BLOC1S5: variants seen among roughly 807,000 people sequenced by gnomAD.
The protein encoded by BLOC1S5 is biogenesis of lysosome-related organelles complex 1 subunit 5.
Under a neutral mutation model 24.3 loss-of-function variants are expected in BLOC1S5, and 27 were observed. The observed-to-expected ratio is 1.11, with a 90% CI of 0.82 to 1.53. The LOEUF is 1.53. Ranked by LOEUF, BLOC1S5 falls within the 40% of genes most tolerant of loss-of-function variation. BLOC1S5 has a pLI of 0.00. For synonymous variants in BLOC1S5, 84 were observed against 74.5 expected (o/e 1.13, Z -0.66); for missense variants, 239 against 229.4 (o/e 1.04, Z -0.27).
At chr6:8,058,375 A>G (rs1029171218) in intron 2 of BLOC1S5, among the ~76,000 whole-genome samples, 55 of 89,826 alleles carry the variant, frequency 6.1e-4, no homozygotes, top group African/African-American at 3.7e-3. Flanking sequence ...AAAAAAAAAA[A>G]AAAAAAAAAA....
intron 3 of BLOC1S5, among the ~76,000 whole-genome samples, chr6:8,035,875 C>T (rs940529714): frequency 1.3e-5 from 2 of 152,092 alleles, no homozygotes; most frequent in African/African-American, 4.8e-5. Flanking sequence ...ACTACAAACT[C>T]GACCAGGCCT....
rs1475934039 is a variant in BLOC1S5, at chr6:8,047,160, T to TCTCTCACA, written c.196-5893_196-5892insTGTGAGAG. On this transcript the variant is annotated intron_variant, in intron 2 of 4. Transcript: ENST00000397457. Reference sequence around the variant, plus strand: ...AAGACCACCTCTCTCTCTCTCTCTCTCACACACACACACACACACACACAC... The same window carrying TCTCTCACA: ...AAGACCACCTCTCTCTCTCTCTCTCTCTCTCACACACACACACACACACACACACACAC... Among the ~76,000 whole-genome samples the TCTCTCACA allele has an allele frequency of 1.8e-4, 23 of 126,948 alleles. 1 individual carries two copies. Among genetic ancestry groups the TCTCTCACA allele is most frequent in the African/African-American group, 6.0e-4 (19 of 31,756 alleles). The allele number at this position is 126,948 out of a possible 152,430, so 83.3% of individuals were successfully genotyped here.
chr6:8,056,586 C>G (rs1325838857), intron 2 of BLOC1S5, among the ~76,000 whole-genome samples: 1 of 152,204 alleles, frequency 6.6e-6, no homozygotes, highest in African/African-American at 2.4e-5. Context: ...ATGGCACAGA[C>G]TCATTTACAT....
In BLOC1S5 at chr6:8,034,955, A is replaced by C. The variant is rs544425424; in HGVS notation, c.325+6184T>G. 2.7e-5 allele frequency among the ~76,000 whole-genome samples: 4 copies of C among 150,736 alleles called. No individual in the cohort carries two copies. In the South Asian group the frequency reaches 8.3e-4, roughly 31 times the overall value. On this transcript the variant is annotated intron_variant, in intron 3 of 4. Transcript: ENST00000397457. ...TATATACATATATATACACATATGC[A>C]TACACACACACACACACATACACAT...
Position 8,064,260 on chromosome 6 carries a change from C to T in BLOC1S5, c.112+5G>A, listed in dbSNP as rs372366994. ...ACCAGGAACTATAGCCCTGACACTC[C>T]GTACCCTTGATAATGAGGTGCGCTG... is the stretch of plus-strand genomic sequence containing the variant. On this transcript the variant is annotated splice_donor_5th_base_variant and intron_variant, in intron 1 of 4. Transcript: ENST00000397457. 52 of 1,611,712 alleles carry T rather than the reference C, an allele frequency of 3.2e-5. No individual in the cohort carries two copies. In the African/African-American group the frequency reaches 5.3e-4, roughly 17 times the overall value.
At chr6:8,060,947 C>T (rs1166547188) in intron 2 of BLOC1S5, among the ~76,000 whole-genome samples, 1 of 152,196 alleles carries the variant, frequency 6.6e-6, no homozygotes, top group Non-Finnish European at 1.5e-5. Context: ...GCCTCAGCTT[C>T]CCGAGTAGCT....
chr6:8,044,113 C>T (rs1218686164), intron 2 of BLOC1S5, among the ~76,000 whole-genome samples: 1 of 151,932 alleles, frequency 6.6e-6, no homozygotes, highest in Non-Finnish European at 1.5e-5. Flanking sequence ...GAAACCCCAT[C>T]TCTACTAAAG....
intron 2 of BLOC1S5, among the ~76,000 whole-genome samples, chr6:8,044,283 C>CA (rs1175141654): frequency 0.36 from 31,647 of 88,956 alleles, 6,313 homozygotes; most frequent in Middle Eastern, 0.47. Flanking sequence ...GACTCTGTCT[C>CA]AAAAAAAAAA....
intron 4 of BLOC1S5, chr6:8,017,729 A>AT (rs1762792018): frequency 6.6e-6 from 1 of 152,156 alleles, no homozygotes; most frequent in Non-Finnish European, 1.5e-5. Context: ...CATTATTCTC[A>AT]TTTTACAGAC....
intron 4 of BLOC1S5, among the ~76,000 whole-genome samples, chr6:8,021,707 T>A (rs1308147394): frequency 6.6e-6 from 1 of 152,150 alleles, no homozygotes; most frequent in Non-Finnish European, 1.5e-5. Context: ...ATGTACATTT[T>A]AAAATGGTTA....
chr6:8,014,911 C>T lies in BLOC1S5; in HGVS notation c.*738G>A, dbSNP rs1762684551. 1 of 152,646 alleles carries T rather than the reference C, an allele frequency of 6.6e-6. No individual in the cohort carries two copies. Among genetic ancestry groups the T allele is most frequent in the African/African-American group, 2.4e-5 (1 of 41,444 alleles). The allele number at this position is 152,646 out of a possible 1,614,324, so 9.5% of individuals were successfully genotyped here. A position where few individuals can be genotyped will look rare whatever the true frequency, so the allele number is the denominator to read the frequency against. ...GGCAAGATTATAGCTCTTGGAAAAA[C>T]TAAATGTCAAAATATATTTTTGGTA... On this transcript the variant is annotated 3_prime_UTR_variant, in exon 5 of 5. Coordinates refer to ENST00000397457, the MANE Select transcript of BLOC1S5 (RefSeq NM_201280.3).
chr6:8,032,524 T>C (rs1047899056), intron 3 of BLOC1S5, among the ~76,000 whole-genome samples: 2 of 152,198 alleles, frequency 1.3e-5, no homozygotes, highest in Non-Finnish European at 2.9e-5. Context: ...AGTATCATAC[T>C]GAATGGGCAA....
chr6:8,048,307 G>T (rs923710564), intron 2 of BLOC1S5, among the ~76,000 whole-genome samples: 1 of 152,216 alleles, frequency 6.6e-6, no homozygotes, highest in African/African-American at 2.4e-5. Context: ...GACTTGGAAT[G>T]AGCAGGTGTC....
In BLOC1S5 at chr6:8,029,256, T is replaced by C. The variant is rs59146222; in HGVS notation, c.326-2831A>G. ...CCGGCAATACCCCAGAACTCAAACA[T>C]GAGGATAAGACAGTTCTCAGGGCCA... On this transcript the variant is annotated intron_variant, in intron 3 of 4. Coordinates refer to ENST00000397457, the MANE Select transcript of BLOC1S5 (RefSeq NM_201280.3). Among the ~76,000 whole-genome samples, 33 of 152,110 alleles carry C rather than the reference T, an allele frequency of 2.2e-4. 1 individual carries two copies. In the East Asian group the frequency reaches 6.2e-3, roughly 28 times the overall value.
intron 3 of BLOC1S5, among the ~76,000 whole-genome samples, chr6:8,035,004 A>G (rs1296411126): frequency 6.6e-6 from 1 of 152,084 alleles, no homozygotes; most frequent in Non-Finnish European, 1.5e-5. Context: ...ATGGAATACT[A>G]TTCAGCCATA....
At chr6:8,060,847 CAG>C (rs756918190) in intron 2 of BLOC1S5, among the ~76,000 whole-genome samples, 5 of 151,960 alleles carry the variant, frequency 3.3e-5, no homozygotes, top group South Asian at 2.1e-4. Context: ...TTTTTTGAGA[CAG>C]AGTCTTGCTC....
chr6:8,051,749 G>C (rs1009946048), intron 2 of BLOC1S5, among the ~76,000 whole-genome samples: 56 of 152,118 alleles, frequency 3.7e-4, no homozygotes, highest in Admixed American at 2.0e-3. Context: ...AATTATGCTA[G>C]ATCTACTCTG....
intron 2 of BLOC1S5, among the ~76,000 whole-genome samples, chr6:8,047,307 A>C (rs1360481305): frequency 1.3e-5 from 2 of 151,784 alleles, no homozygotes; most frequent in African/African-American, 4.8e-5. Context: ...TCCCTGGCTC[A>C]AGCAATCCTC....
intron 2 of BLOC1S5, among the ~76,000 whole-genome samples, chr6:8,052,560 A>G (rs947142091): frequency 1.2e-4 from 19 of 152,114 alleles, no homozygotes; most frequent in Admixed American, 1.0e-3. Context: ...GGAAGCCATT[A>G]TAGATGGGGT....
Sources: gnomAD v4.1 joint callset for allele counts (sites outside exome capture counted in the v4.1 genomes callset) on GRCh38, gnomAD v4.1.1 for gene constraint, MANE v1.5 for transcripts, NCBI Gene and HGNC (gene_info 2026-07-23, HGNC 2026-07-21) for gene names.